Variants in SRGAP3 observed in about 807,000 individuals in gnomAD.
SRGAP3 encodes SLIT-ROBO Rho GTPase activating protein 3.
Under a neutral mutation model 121.1 loss-of-function variants are expected in SRGAP3, and 39 were observed. That is an observed-to-expected ratio of 0.32 (90% CI 0.25 to 0.42). The LOEUF is 0.42. SRGAP3 is among the 10% of genes least tolerant of loss of function. SRGAP3 has a pLI of 1.00. For synonymous variants in SRGAP3, 601 were observed against 570.0 expected (o/e 1.05, Z -0.77); for missense variants, 1,213 against 1,470.6 (o/e 0.82, Z 2.86).
intron 2 of SRGAP3, among the ~76,000 whole-genome samples, chr3:9,111,190 T>C (rs1339829594): frequency 6.6e-6 from 1 of 152,212 alleles, no homozygotes; most frequent in East Asian, 1.9e-4. Context: ...ACACCTACCA[T>C]GAGCCCACGA....
At chr3:9,339,429 G>A (rs1955745990) in intron 1 of SRGAP3, among the ~76,000 whole-genome samples, 1 of 152,104 alleles carries the variant, frequency 6.6e-6, no homozygotes, top group African/African-American at 2.4e-5. Flanking sequence ...TGCATAAAAG[G>A]GACTCAATAA....
intron 1 of SRGAP3, among the ~76,000 whole-genome samples, chr3:9,241,831 C>T (rs1357872929): frequency 6.6e-6 from 1 of 152,028 alleles, no homozygotes; most frequent in Non-Finnish European, 1.5e-5. Flanking sequence ...TAATAATGCT[C>T]TTTGGGAGGC....
chr3:9,091,042 C>T (rs1328213220), intron 3 of SRGAP3, among the ~76,000 whole-genome samples: 5 of 151,966 alleles, frequency 3.3e-5, no homozygotes, highest in Non-Finnish European at 7.4e-5. Context: ...AAAAAAAATA[C>T]CATCTTAAAA....
chr3:9,279,665 C>G lies in SRGAP3; in HGVS notation n.442+46345G>C, dbSNP rs1445490835. On this transcript the variant is annotated intron_variant and non_coding_transcript_variant, in intron 3 of 3. Transcript: ENST00000490889. ...AGTACCTGGGATTACAGGTGCCCACCACCACACCCAGCTAATTTTCTTTGT... is the reference window on the plus strand; with the variant it reads ...AGTACCTGGGATTACAGGTGCCCACGACCACACCCAGCTAATTTTCTTTGT... Among the ~76,000 whole-genome samples the G allele has an allele frequency of 1.9e-4, 29 of 151,896 alleles. 1 individual carries two copies. Among genetic ancestry groups the G allele is most frequent in the Admixed American group, 1.7e-3 (26 of 15,232 alleles).
At chr3:9,085,070 A>G (rs1947399455) in intron 3 of SRGAP3, among the ~76,000 whole-genome samples, 1 of 152,122 alleles carries the variant, frequency 6.6e-6, no homozygotes, top group African/African-American at 2.4e-5. Context: ...TTGTTTGTTT[A>G]TTTGTTCATT....
At chr3:9,348,928 G>C in intron 1 of SRGAP3, 1 of 988,592 alleles carries the variant, frequency 1.0e-6, no homozygotes, top group East Asian at 2.4e-5. Context: ...CCAAGGCTCT[G>C]CCCTTTTGGA....
intron 3 of SRGAP3, among the ~76,000 whole-genome samples, chr3:9,286,600 G>T: frequency 6.6e-6 from 1 of 152,004 alleles, no homozygotes; most frequent in East Asian, 1.9e-4. Context: ...TGTTTTTGTC[G>T]TTGTTGTTGT....
At chr3:9,123,794 A>C (rs1949115504) in intron 2 of SRGAP3, among the ~76,000 whole-genome samples, 1 of 147,750 alleles carries the variant, frequency 6.8e-6, no homozygotes, top group Admixed American at 6.8e-5. Context: ...ACACAGAGAG[A>C]GAGAGAGAGA....
At position 9,080,818 on chromosome 3, in the gene SRGAP3, C is replaced by A. The variant is rs188494300; in HGVS notation, c.424-731G>T. ...CTAATGCAGGATGATCTGTCACTGT[C>A]TCCCATCACCCCCAGATGAAACCAT... On this transcript the variant is annotated intron_variant, in intron 3 of 21. Transcript: ENST00000383836. 1.5e-3 allele frequency among the ~76,000 whole-genome samples: 225 copies of A among 152,302 alleles called. 1 individual carries two copies. The highest frequency in any genetic ancestry group is 5.1e-3 in the African/African-American group (214 of 41,568).
rs769562773 is a variant in SRGAP3 at position 8,990,744 on chromosome 3, G to A, written c.2654C>T (p.Thr885Ile). The A allele has an allele frequency of 8.1e-6, 13 of 1,610,958 alleles. No homozygotes were observed. Among genetic ancestry groups the A allele is most frequent in the Non-Finnish European group, 1.0e-5 (12 of 1,179,092 alleles). ...GGGGCAGGCAGCAGCCCGGGGTGGT[G>A]TGTCTATGCTGGGGCCCAGGCCCCG... is the stretch of plus-strand genomic sequence containing the variant. ...PPRGLGPSID[T>I]PPRAAACPSS... The change falls in exon 21 of 22, where the codon ACA (threonine) becomes ATA (isoleucine). Residue 885 changes from threonine (T) to isoleucine (I), a missense_variant. Physicochemically the swap from Thr to Ile is moderately conservative, Grantham distance 89. Transcript: ENST00000383836.
chr3:9,075,590 CT>C (rs1946939969), intron 4 of SRGAP3, among the ~76,000 whole-genome samples: 1 of 152,186 alleles, frequency 6.6e-6, no homozygotes, highest in South Asian at 2.1e-4. Context: ...AGAGACAAGC[CT>C]TTTCTCTAAA....
chr3:9,267,947 T>TA (rs35373171), intron 3 of SRGAP3, among the ~76,000 whole-genome samples: 90,383 of 152,034 alleles, frequency 0.59, 27,845 homozygotes, highest in Non-Finnish European at 0.68. Context: ...TTTTACATGT[T>TA]AAAAGGGTTG....
intron 3 of SRGAP3, among the ~76,000 whole-genome samples, chr3:9,100,028 G>A (rs1172704161): frequency 1.3e-5 from 2 of 152,202 alleles, no homozygotes; most frequent in South Asian, 4.1e-4. Context: ...AGTCCATGTG[G>A]GGCTGGTATA....
intron 4 of SRGAP3, among the ~76,000 whole-genome samples, chr3:9,069,799 C>T (rs995508871): frequency 1.3e-5 from 2 of 152,028 alleles, no homozygotes; most frequent in East Asian, 3.9e-4. Flanking sequence ...ATACAAAAAT[C>T]AGCCAGGCGT....
At chr3:9,058,186 G>T in intron 7 of SRGAP3, 65 bp downstream of exon 7, 1 of 1,536,736 alleles carries the variant, frequency 6.5e-7, no homozygotes, top group Non-Finnish European at 9.0e-7. Context: ...CAGGGATGAT[G>T]TACTGGAGCA....
intron 1 of SRGAP3, among the ~76,000 whole-genome samples, chr3:9,172,257 C>A (rs191124264): frequency 4.1e-4 from 63 of 152,014 alleles, no homozygotes; most frequent in Admixed American, 4.0e-3. Context: ...CCATGCCCAG[C>A]TAATGGCTAA....
intron 1 of SRGAP3, among the ~76,000 whole-genome samples, chr3:9,185,017 C>T (rs985476976): frequency 6.6e-6 from 1 of 152,182 alleles, no homozygotes; most frequent in African/African-American, 2.4e-5. Flanking sequence ...CCTCCCCAGA[C>T]TAGTTCAAGA....
At chr3:9,234,038 G>A (rs956509907) in intron 1 of SRGAP3, among the ~76,000 whole-genome samples, 2 of 152,152 alleles carry the variant, frequency 1.3e-5, no homozygotes, top group Non-Finnish European at 2.9e-5. Flanking sequence ...ATTATGCCAA[G>A]TACGAGATCC....
chr3:9,292,125 G>A lies in SRGAP3; in HGVS notation n.442+33885C>T, dbSNP rs1316247575. On this transcript the variant is annotated intron_variant and non_coding_transcript_variant, in intron 3 of 3. Coordinates refer to the SRGAP3 transcript ENST00000490889. ...CAGATACCTCTTGGAATCACCTACT[G>A]TTGCATTCGCATCTCAGACTTTGAG... Among the ~76,000 whole-genome samples, 3 of 152,160 alleles carry A rather than the reference G, an allele frequency of 2.0e-5. No individual in the cohort carries two copies. In the East Asian group the frequency reaches 5.8e-4, roughly 29 times the overall value.
Sources: gnomAD v4.1 joint callset for allele counts (sites outside exome capture counted in the v4.1 genomes callset) on GRCh38, gnomAD v4.1.1 for gene constraint, MANE v1.5 for transcripts, NCBI Gene and HGNC (gene_info 2026-07-23, HGNC 2026-07-21) for gene names.